MITF: variants seen among roughly 807,000 people sequenced by gnomAD.
MITF encodes microphthalmia-associated transcription factor.
In MITF, 17 loss-of-function variants were observed where a neutral mutation model predicts 60.5. The ratio of observed to expected loss-of-function variants is 0.28; its 90% confidence interval spans 0.19 to 0.42. The LOEUF (loss-of-function observed/expected upper bound fraction) is 0.42. MITF is among the 10% of genes least tolerant of loss of function. The pLI, the probability that MITF is intolerant of heterozygous loss-of-function variation, is 1.00. For synonymous variants in MITF, 260 were observed against 248.5 expected, an observed-to-expected ratio of 1.05 and a Z score of -0.43; for missense variants, 622 against 683.5, an observed-to-expected ratio of 0.91 and a Z score of 1.00.
intron 2 of MITF, among the ~76,000 whole-genome samples, chr3:69,911,396 G>A (rs951784869): frequency 7.9e-5 from 12 of 152,120 alleles, no homozygotes; most frequent in African/African-American, 2.7e-4. Flanking sequence ...TCAGACTCTT[G>A]GGCTCAAGCA....
At chr3:69,843,338 G>C (rs1417443671) in intron 1 of MITF, among the ~76,000 whole-genome samples, 1 of 152,184 alleles carries the variant, frequency 6.6e-6, no homozygotes, top group Non-Finnish European at 1.5e-5. Context: ...TTATAAAATA[G>C]TTCAGGGAAA....
At chr3:69,926,087 G>T (rs1037144771) in intron 2 of MITF, among the ~76,000 whole-genome samples, 1 of 152,196 alleles carries the variant, frequency 6.6e-6, no homozygotes, top group East Asian at 1.9e-4. Flanking sequence ...AGTGGGGATG[G>T]TTACATTAAA....
At chr3:69,855,972 T>TTCC (rs1413733274) in intron 1 of MITF, among the ~76,000 whole-genome samples, 1 of 152,168 alleles carries the variant, frequency 6.6e-6, no homozygotes, top group Non-Finnish European at 1.5e-5. Flanking sequence ...CTTGGCCAGC[T>TTCC]TCCCACTTTT....
At chr3:69,924,228 G>T (rs1203720473) in intron 2 of MITF, among the ~76,000 whole-genome samples, 1 of 152,190 alleles carries the variant, frequency 6.6e-6, no homozygotes, top group Admixed American at 6.5e-5. Context: ...GTTTCTCTGA[G>T]TTCTCGTGCC....
intron 1 of MITF, among the ~76,000 whole-genome samples, chr3:69,828,300 G>A (rs1174057376): frequency 6.6e-6 from 1 of 152,164 alleles, no homozygotes; most frequent in Admixed American, 6.5e-5. Context: ...AGATTAGTGA[G>A]CATCCTTCAT....
chr3:69,839,770 G>T (rs866144642), intron 1 of MITF, among the ~76,000 whole-genome samples: 10 of 152,064 alleles, frequency 6.6e-5, no homozygotes, highest in South Asian at 2.1e-4. Context: ...AAAAGTAAGG[G>T]AATTTCAGTT....
chr3:69,786,450 T>G (rs925831675), intron 1 of MITF, among the ~76,000 whole-genome samples: 3 of 152,184 alleles, frequency 2.0e-5, no homozygotes, highest in African/African-American at 7.2e-5. Flanking sequence ...ATCAAATATC[T>G]AGAGTTCCTT....
chr3:69,948,627 A>G (rs1022457097), intron 5 of MITF, among the ~76,000 whole-genome samples: 3 of 152,166 alleles, frequency 2.0e-5, no homozygotes, highest in African/African-American at 7.2e-5. Context: ...AAGGAACAAA[A>G]TTAACTTTAA....
intron 1 of MITF, among the ~76,000 whole-genome samples, chr3:69,824,677 T>C (rs2107065606): frequency 6.6e-6 from 1 of 152,332 alleles, no homozygotes; most frequent in South Asian, 2.1e-4. Flanking sequence ...TTGTGGCTTC[T>C]CTAGCACCAT....
intron 5 of MITF, among the ~76,000 whole-genome samples, chr3:69,946,760 A>T (rs1176306995): frequency 6.6e-6 from 1 of 152,194 alleles, no homozygotes; most frequent in Non-Finnish European, 1.5e-5. Context: ...TGATCTCAGT[A>T]GAGTGCCCAA....
chr3:69,878,547 G>A (rs1292644939), intron 1 of MITF, among the ~76,000 whole-genome samples: 2 of 152,154 alleles, frequency 1.3e-5, no homozygotes, highest in Non-Finnish European at 2.9e-5. Flanking sequence ...CTTACCCAAA[G>A]AGCGAGGTCG....
intron 4 of MITF, among the ~76,000 whole-genome samples, chr3:69,940,978 C>T (rs932025750): frequency 6.6e-6 from 1 of 152,118 alleles, no homozygotes; most frequent in Non-Finnish European, 1.5e-5. Context: ...TGAAAATCCT[C>T]GAACCCAATG....
chr3:69,742,444 T>G (rs944757329), intron 1 of MITF, among the ~76,000 whole-genome samples: 3 of 152,184 alleles, frequency 2.0e-5, no homozygotes, highest in Non-Finnish European at 4.4e-5. Flanking sequence ...TGCCCATGGC[T>G]CCTAATTTCT....
intron 1 of MITF, among the ~76,000 whole-genome samples, chr3:69,863,993 A>G (rs890940231): frequency 1.3e-5 from 2 of 151,948 alleles, no homozygotes; most frequent in African/African-American, 4.8e-5. Flanking sequence ...TTAGTTCTCT[A>G]GATTGGTCAA....
At chr3:69,941,804 G>A (rs1259254375) in intron 5 of MITF, among the ~76,000 whole-genome samples, 2 of 152,122 alleles carry the variant, frequency 1.3e-5, no homozygotes, top group African/African-American at 2.4e-5. Flanking sequence ...TAAACAAGTG[G>A]TCCTATTTGC....
At chr3:69,956,029 A>G (rs193242385) in intron 7 of MITF, among the ~76,000 whole-genome samples, 5 of 152,174 alleles carry the variant, frequency 3.3e-5, no homozygotes, top group African/African-American at 4.8e-5. Context: ...CAATTTTGCT[A>G]CTTATCCCAC....
At position 69,966,302 on chromosome 3, in the gene MITF, A is replaced by G. The variant is rs1044060569; in HGVS notation, c.*1054A>G. On this transcript the variant is annotated 3_prime_UTR_variant, in exon 10 of 10. Transcript: ENST00000352241. ...GGTTTTCCGCATTCTTTGTACACCC[A>G]TGAAAGAAAACTTTTATGCAAGGTC... 8.6e-6 allele frequency: 2 copies of G among 232,856 alleles called. No homozygotes were observed. Among genetic ancestry groups the G allele is most frequent in the Non-Finnish European group, 1.7e-5 (2 of 117,658 alleles). The allele number at this position is 232,856 out of a possible 1,614,324, so 14.4% of individuals were successfully genotyped here. A position where few individuals can be genotyped will look rare whatever the true frequency, so the allele number is the denominator to read the frequency against.
intron 1 of MITF, among the ~76,000 whole-genome samples, chr3:69,809,751 T>C (rs1181906093): frequency 6.6e-6 from 1 of 152,148 alleles, no homozygotes; most frequent in Non-Finnish European, 1.5e-5. Flanking sequence ...TTTTGTGGGC[T>C]TTGGATTCTT....
At chr3:69,766,992 G>A (rs1368350426) in intron 1 of MITF, among the ~76,000 whole-genome samples, 1 of 152,146 alleles carries the variant, frequency 6.6e-6, no homozygotes, top group Non-Finnish European at 1.5e-5. Flanking sequence ...AGAGACAACA[G>A]CATGCACCAT....
Sources: gnomAD v4.1 joint callset for allele counts (sites outside exome capture counted in the v4.1 genomes callset) on GRCh38, gnomAD v4.1.1 for gene constraint, MANE v1.5 for transcripts, NCBI Gene and HGNC (gene_info 2026-07-23, HGNC 2026-07-21) for gene names.